The following TMPRSS11A variants were observed in gnomAD, a reference collection of about 807,000 sequenced individuals.
The protein encoded by TMPRSS11A is transmembrane serine protease 11A.
A neutral mutation model predicts 58.9 loss-of-function variants in TMPRSS11A; 53 were observed. The ratio of observed to expected loss-of-function variants is 0.90; its 90% CI spans 0.72 to 1.13. The LOEUF (loss-of-function observed/expected upper bound fraction) is 1.13, where lower values mean the gene tolerates loss of function less well. TMPRSS11A is among the 50% of genes most tolerant of loss of function. TMPRSS11A has a pLI of 0.00. For synonymous variants in TMPRSS11A, 167 were observed against 169.8 expected (o/e 0.98, Z 0.13); for missense variants, 493 against 499.3 (o/e 0.99, Z 0.12).
Position 67,963,449 on chromosome 4 carries a change from A to G in TMPRSS11A, c.-56T>C, listed in dbSNP as rs1169654772. The stretch of plus-strand genomic sequence containing the variant: ...CTGCACCCACTGAACTCAACTTTCT[A>G]ATCAACTATATGACATCTCTAGATG... On this transcript the variant is annotated 5_prime_UTR_variant, in exon 1 of 10. Coordinates refer to ENST00000508048, the MANE Select transcript of TMPRSS11A (RefSeq NM_001114387.2). The G allele has an allele frequency of 1.3e-6, 2 of 1,585,850 alleles. No individual in the cohort carries two copies. The highest frequency in any genetic ancestry group is 2.7e-5 in the African/African-American group (2 of 74,270).
chr4:67,963,288 A>G (rs1721483792), intron 1 of TMPRSS11A, 95 bp downstream of exon 1: 8 of 1,282,138 alleles, frequency 6.2e-6, no homozygotes, highest in Non-Finnish European at 8.9e-6. Context: ...AATCCACCAA[A>G]GACACCTCAC....
At chr4:67,920,079 T>C (rs1720279138) in intron 7 of TMPRSS11A, among the ~76,000 whole-genome samples, 1 of 152,196 alleles carries the variant, frequency 6.6e-6, no homozygotes, top group Non-Finnish European at 1.5e-5. Context: ...ATTAGATGAC[T>C]GCATAGTCCT....
At chr4:67,962,240 A>G (rs1341743662) in intron 1 of TMPRSS11A, among the ~76,000 whole-genome samples, 3 of 152,152 alleles carry the variant, frequency 2.0e-5, no homozygotes, top group Non-Finnish European at 4.4e-5. Flanking sequence ...AGGGTCTCAG[A>G]GACTTTTTGT....
At position 67,930,028 on chromosome 4, in the gene TMPRSS11A, A is replaced by G. The variant is rs1353899817; in HGVS notation, c.333T>C (p.Asp111=). Residue 111 remains aspartate (D), a synonymous_variant, in exon 5 of 10, where the codon GAT becomes GAC. Transcript: ENST00000508048. The stretch of plus-strand genomic sequence containing the variant: ...CCATAATGACATCTACTTTCACACC[A>G]TCTTCCTCTGGACTGTGACACACAA... ...NQVVRLTPEE[D]GVKVDVIMVF... The G allele has an allele frequency of 1.2e-6, 2 of 1,611,680 alleles. No individual in the cohort carries two copies. Among genetic ancestry groups the G allele is most frequent in the East Asian group, 4.5e-5 (2 of 44,862 alleles).
chr4:67,924,340 G>T (rs565352774), intron 5 of TMPRSS11A, among the ~76,000 whole-genome samples, 174 bp from the exon 6 acceptor site: 23 of 152,164 alleles, frequency 1.5e-4, no homozygotes, highest in Non-Finnish European at 2.8e-4. Context: ...TTTTTGTAGA[G>T]ACTTATAGGC....
chr4:67,922,673 A>C (rs1720360345), intron 7 of TMPRSS11A, 82 bp downstream of exon 7: 7 of 1,322,092 alleles, frequency 5.3e-6, no homozygotes, highest in Middle Eastern at 2.0e-4. Context: ...GTAATATTTG[A>C]GACATTAATT....
At position 67,946,568 on chromosome 4, in the gene TMPRSS11A, T is replaced by G. The variant is rs770270504; in HGVS notation, c.15A>C (p.Thr5=). 1.9e-6 allele frequency: 3 copies of G among 1,608,896 alleles called. No individual in the cohort carries two copies. In the Admixed American group the frequency reaches 5.1e-5, roughly 27 times the overall value. ...TTCTGCTTCGGGTGCCAAATCCCAC[T>G]GTCCTGAGAAAAGGAAGGGCCCACT... MMYR[T]VGFGTRSRNL... Residue 5 remains threonine, a synonymous_variant, in exon 2 of 10, where the codon ACA becomes ACC. Transcript: ENST00000508048.
intron 3 of TMPRSS11A, among the ~76,000 whole-genome samples, chr4:67,938,247 C>T (rs942187334): frequency 4.0e-5 from 6 of 151,860 alleles, no homozygotes; most frequent in African/African-American, 7.2e-5. Context: ...TTTTTAATGG[C>T]GTTACTTGGT....
chr4:67,930,088 T>C (rs975558642), intron 4 of TMPRSS11A, 48 bp from the exon 5 acceptor site: 1 of 1,559,828 alleles, frequency 6.4e-7, no homozygotes, highest in Admixed American at 1.7e-5. Flanking sequence ...ACACCTGGAA[T>C]TGTCCTTCAG....
rs148892621 is a variant in TMPRSS11A at position 67,938,486 on chromosome 4, T to C, written c.252+6033A>G. ...TTAGTCCTAAATTCTGTGCCAAGAC[T>C]GATGTCTACAACAGTATTTCCTAGG... On this transcript the variant is annotated intron_variant, in intron 3 of 9. Transcript: ENST00000508048. Among the ~76,000 whole-genome samples, 238 of 152,296 alleles carry C rather than the reference T, an allele frequency of 1.6e-3. 1 individual carries two copies. The highest frequency in any genetic ancestry group is 5.4e-3 in the African/African-American group (224 of 41,592).
At chr4:67,940,782 T>C (rs1012739322) in intron 3 of TMPRSS11A, among the ~76,000 whole-genome samples, 2 of 152,224 alleles carry the variant, frequency 1.3e-5, no homozygotes, top group African/African-American at 4.8e-5. Context: ...CCACCATTTT[T>C]TGAACATGCA....
At chr4:67,960,351 A>T (rs1721394568) in intron 1 of TMPRSS11A, among the ~76,000 whole-genome samples, 1 of 152,212 alleles carries the variant, frequency 6.6e-6, no homozygotes, top group Non-Finnish European at 1.5e-5. Context: ...AAAAAGAAAG[A>T]AAGAAAGTCA....
In TMPRSS11A at chr4:67,930,829, T is replaced by TTTTA. The variant is rs1265700805; in HGVS notation, c.321-790_321-789insTAAA. ...TCTCCTTTTTTTTTTTTTTTTTTTT[T>TTTTA]ACAAAAAAAAAAAAAACTGTGAAAA... is the stretch of plus-strand genomic sequence containing the variant. On this transcript the variant is annotated intron_variant, in intron 4 of 9. Coordinates refer to ENST00000508048, the MANE Select transcript of TMPRSS11A (RefSeq NM_001114387.2). Among the ~76,000 whole-genome samples, 468 of 89,852 alleles carry TTTTA rather than the reference T, an allele frequency of 5.2e-3. 3 individuals are homozygous for TTTTA. Among genetic ancestry groups the TTTTA allele is most frequent in the African/African-American group, 8.7e-3 (185 of 21,204 alleles). 58.9% of individuals were successfully genotyped at this position (89,852 alleles called of 152,430 possible).
intron 7 of TMPRSS11A, among the ~76,000 whole-genome samples, chr4:67,920,248 T>C (rs1276795437): frequency 6.6e-6 from 1 of 152,076 alleles, no homozygotes; most frequent in Non-Finnish European, 1.5e-5. Flanking sequence ...AAATAAAGCC[T>C]GGATAGGTTA....
intron 5 of TMPRSS11A, among the ~76,000 whole-genome samples, chr4:67,929,352 C>T (rs547296738): frequency 6.6e-6 from 1 of 152,212 alleles, no homozygotes; most frequent in East Asian, 1.9e-4. Flanking sequence ...CACATAGTTT[C>T]AGTGATGTTT....
At chr4:67,912,859 G>A (rs2109730751) in intron 9 of TMPRSS11A, among the ~76,000 whole-genome samples, 1 of 152,168 alleles carries the variant, frequency 6.6e-6, no homozygotes, top group East Asian at 1.9e-4. Context: ...TTCAGAACTA[G>A]GAGCATTCTT....
chr4:67,923,059 G>T, intron 6 of TMPRSS11A, 133 bp from the exon 7 acceptor site: 2 of 735,198 alleles, frequency 2.7e-6, no homozygotes, highest in Non-Finnish European at 4.5e-6. Flanking sequence ...CCTGTCACTG[G>T]ATTCATGGCC....
chr4:67,920,963 G>A (rs1292330069), intron 7 of TMPRSS11A, among the ~76,000 whole-genome samples: 1 of 152,110 alleles, frequency 6.6e-6, no homozygotes, highest in Non-Finnish European at 1.5e-5. Flanking sequence ...AAAGCTCACA[G>A]TAATGATATT....
intron 1 of TMPRSS11A, among the ~76,000 whole-genome samples, chr4:67,959,481 T>G (rs1291325127): frequency 6.6e-6 from 1 of 152,112 alleles, no homozygotes; most frequent in African/African-American, 2.4e-5. Flanking sequence ...CTAGAATGCA[T>G]GAAAAACTTA....
Sources: allele counts gnomAD v4.1 joint callset (sites outside exome capture counted in the v4.1 genomes callset), GRCh38; gene constraint gnomAD v4.1.1; transcripts MANE v1.5; gene names NCBI Gene and HGNC (gene_info 2026-07-23, HGNC 2026-07-21).